EIF2AK1: variants seen among roughly 807,000 people sequenced by gnomAD.
The protein encoded by EIF2AK1 is eukaryotic translation initiation factor 2 alpha kinase 1.
EIF2AK1 carries 54 observed loss-of-function variants against 77.9 expected under a neutral mutation model. That is an observed-to-expected ratio of 0.69 (90% CI 0.56 to 0.87). The LOEUF (loss-of-function observed/expected upper bound fraction) is 0.87, where lower values mean the gene tolerates loss of function less well. Ranked by LOEUF, EIF2AK1 falls within the 40% of genes least tolerant of loss-of-function variation. The probability of loss-of-function intolerance (pLI) is 0.00; values close to 1 mark genes in which losing one functional copy is unlikely to be tolerated. For synonymous variants in EIF2AK1, 314 were observed against 290.5 expected (o/e 1.08, Z -0.82); for missense variants, 810 against 768.6 (o/e 1.05, Z -0.64).
chr7:6,038,488 C>T, intron 10 of EIF2AK1, 72 bp downstream of exon 10: 6 of 1,056,600 alleles, frequency 5.7e-6, no homozygotes, highest in Non-Finnish European at 8.2e-6. Context: ...CACCTGGAGG[C>T]AACTCCTACA....
Position 6,059,052 on chromosome 7 carries a change from C to T in EIF2AK1, c.32G>A (p.Arg11His), listed in dbSNP as rs373838189. Residue 11 changes from arginine (R) to histidine (H), a missense_variant, in exon 1 of 15, where the codon CGC (arginine) becomes CAC (histidine). By Grantham distance (29) the Arg-to-His change is conservative (BLOSUM62 0). Transcript: ENST00000199389. Reference sequence around the variant, plus strand: ...CCCAGCCCCGTCGCCCTCCTCTTCGCGCTTGCGGACCCCGGAGTTGCCCCC... The same window carrying T: ...CCCAGCCCCGTCGCCCTCCTCTTCGTGCTTGCGGACCCCGGAGTTGCCCCC... MQGGNSGVRK[R>H]EEEGDGAGAV... 4.2e-5 allele frequency: 63 copies of T among 1,495,210 alleles called. No individual in the cohort carries two copies. Among genetic ancestry groups the T allele is most frequent in the Admixed American group, 1.2e-4 (5 of 41,840 alleles). The allele number at this position is 1,495,210 out of a possible 1,614,324, so 92.6% of individuals were successfully genotyped here. A position where few individuals can be genotyped will look rare whatever the true frequency, so the allele number is the denominator to read the frequency against.
rs1359941025 is a variant in EIF2AK1, at chr7:6,027,291, T to C, written c.1531-330A>G. 6.6e-6 allele frequency among the ~76,000 whole-genome samples: 1 copy of C among 152,206 alleles called. No homozygotes were observed. Among genetic ancestry groups the C allele is most frequent in the Non-Finnish European group, 1.5e-5 (1 of 68,042 alleles). On this transcript the variant is annotated intron_variant, in intron 13 of 14. Transcript: ENST00000199389. This position sits in a 1 kb window ranked among gnomAD's most constrained non-coding sequence, Gnocchi z 4.5. ...AATGATGTGAGCTCACGCCTGCTAG[T>C]GTCAGCTGCGGGGGAGCCACAGAAG...
At chr7:6,056,614 A>AAAAAAAAAAAAAAAAAATATATG (rs1562761769) in intron 1 of EIF2AK1, among the ~76,000 whole-genome samples, 1 of 53,472 alleles carries the variant, frequency 1.9e-5, no homozygotes, top group African/African-American at 1.1e-4. Context: ...AAAAAAAAAA[A>AAAAAAAAAAAAAAAAAATATATG]TATATATATA....
At chr7:6,043,342 C>G (rs918765099) in intron 7 of EIF2AK1, among the ~76,000 whole-genome samples, 1 of 151,924 alleles carries the variant, frequency 6.6e-6, no homozygotes, top group Admixed American at 6.6e-5. Flanking sequence ...TTTGGGAGGC[C>G]GAGGCTCGAG....
At position 6,051,330 on chromosome 7, in the gene EIF2AK1, G is replaced by T. The variant is rs1788603220; in HGVS notation, c.278-1285C>A. Among the ~76,000 whole-genome samples the T allele has an allele frequency of 2.0e-5, 3 of 147,696 alleles. No individual in the cohort carries two copies. The South Asian group carries it at 6.4e-4, about 32-fold the overall frequency. Reference sequence around the variant, plus strand: ...TCTGTCGCCCAGGCTGGAGTGCAATGGCACGATCTCGGCTCACTGCAACCT... The same window carrying T: ...TCTGTCGCCCAGGCTGGAGTGCAATTGCACGATCTCGGCTCACTGCAACCT... On this transcript the variant is annotated intron_variant, in intron 2 of 14. Transcript: ENST00000199389.
chr7:6,058,919 G>A, intron 1 of EIF2AK1, 47 bp downstream of exon 1: 4 of 1,458,862 alleles, frequency 2.7e-6, no homozygotes, highest in Non-Finnish European at 3.7e-6. Flanking sequence ...CAGAAACGCA[G>A]GTGGACAGAG....
chr7:6,038,532 C>T (rs776849919), intron 10 of EIF2AK1, 28 bp downstream of exon 10: 22 of 1,579,346 alleles, frequency 1.4e-5, no homozygotes, highest in Non-Finnish European at 1.6e-5. Context: ...GTCTATTTCC[C>T]GGCCCGGCAG....
chr7:6,054,802 A>G, intron 1 of EIF2AK1, 98 bp from the exon 2 acceptor site: 1 of 1,241,028 alleles, frequency 8.1e-7, no homozygotes, highest in Non-Finnish European at 1.1e-6. Context: ...AAATATTTAA[A>G]TGTAAGCAGA....
Position 6,024,680 on chromosome 7 carries a change from A to G in EIF2AK1, c.1886T>C (p.Val629Ala), listed in dbSNP as rs1787686831. ...TAAAAGTTAAGTCCACTTTCATCCC[A>G]CGCCCCCATCCTTTCCGTCATCCCT... Reference protein sequence around the residue: ...GVRDDGKDGGVG With the variant: ...GVRDDGKDGGAG Residue 629 changes from valine to alanine, a missense_variant, in exon 15 of 15, where the codon GTG (valine) becomes GCG (alanine). By Grantham distance (64) the Val-to-Ala change is moderately conservative. Coordinates refer to ENST00000199389, the MANE Select transcript of EIF2AK1 (RefSeq NM_014413.4). 1 of 1,613,590 alleles carries G rather than the reference A, an allele frequency of 6.2e-7. No homozygotes were observed. The highest frequency in any genetic ancestry group is 1.3e-5 in the African/African-American group (1 of 74,824).
At chr7:6,043,846 CCCAGCACTCTGGGAGG>C (rs1788366875) in intron 7 of EIF2AK1, among the ~76,000 whole-genome samples, 1 of 152,016 alleles carries the variant, frequency 6.6e-6, no homozygotes, top group African/African-American at 2.4e-5. Context: ...TGCCTATAGT[CCCAGCACTCTGGGAGG>C]CCGAGGCAGG....
chr7:6,054,736 T>C, intron 1 of EIF2AK1, 32 bp from the exon 2 acceptor site: 6 of 1,581,256 alleles, frequency 3.8e-6, no homozygotes, highest in Non-Finnish European at 5.2e-6. Flanking sequence ...ATTTTTAAAT[T>C]AATGGTAAAC....
chr7:6,054,882 C>G (rs1326755894), intron 1 of EIF2AK1, among the ~76,000 whole-genome samples, 178 bp from the exon 2 acceptor site: 1 of 152,112 alleles, frequency 6.6e-6, no homozygotes, highest in East Asian at 1.9e-4. Flanking sequence ...GAATTTGGAG[C>G]TGAATCCTGG....
At position 6,036,008 on chromosome 7, in the gene EIF2AK1, C is replaced by T. The variant is rs1788074242; in HGVS notation, c.1332+1416G>A. 6.4e-7 allele frequency: 1 copy of T among 1,550,950 alleles called. No individual in the cohort carries two copies. Among genetic ancestry groups the T allele is most frequent in the African/African-American group, 1.4e-5 (1 of 73,006 alleles). ...CATGCTTTGGAGGCAGAGAGGCAAT[C>T]ATCAATCTCCTGCTTGAATTTGAAG... On this transcript the variant is annotated intron_variant, in intron 11 of 14. Coordinates refer to ENST00000199389, the MANE Select transcript of EIF2AK1 (RefSeq NM_014413.4). This position sits in a 1 kb window ranked among gnomAD's most constrained non-coding sequence, Gnocchi z 4.6.
chr7:6,055,330 G>A (rs1340224711), intron 1 of EIF2AK1, among the ~76,000 whole-genome samples: 2 of 81,086 alleles, frequency 2.5e-5, no homozygotes, highest in East Asian at 4.7e-4. Flanking sequence ...CAACAAGAGC[G>A]AAACTCCGTC....
chr7:6,024,816 T>TA lies in EIF2AK1; in HGVS notation c.1765-16dup. The TA allele has an allele frequency of 6.8e-7, 1 of 1,477,220 alleles. No homozygotes were observed. The allele number at this position is 1,477,220 out of a possible 1,614,324, so 91.5% of individuals were successfully genotyped here. A position where few individuals can be genotyped will look rare whatever the true frequency, so the allele number is the denominator to read the frequency against. ...GTGAGGTTAACCTGTAAGGAGAAAATATTTTAAACTCCATTAAAATAACTT... is the reference window on the plus strand; with the variant it reads ...GTGAGGTTAACCTGTAAGGAGAAAATAATTTTAAACTCCATTAAAATAACTT... On this transcript the variant is annotated splice_polypyrimidine_tract_variant and intron_variant, in intron 14 of 14. Coordinates refer to ENST00000199389, the MANE Select transcript of EIF2AK1 (RefSeq NM_014413.4).
intron 11 of EIF2AK1, 42 bp from the exon 12 acceptor site, chr7:6,029,074 A>G (rs1787828321): frequency 1.4e-6 from 2 of 1,432,412 alleles, no homozygotes; most frequent in South Asian, 2.4e-5. Flanking sequence ...GCTTTCTTAA[A>G]ACAAATAGTA....
chr7:6,055,960 G>A (rs1172447455), intron 1 of EIF2AK1, among the ~76,000 whole-genome samples: 1 of 107,456 alleles, frequency 9.3e-6, no homozygotes, highest in Non-Finnish European at 1.7e-5. Flanking sequence ...TCCAGCCTGG[G>A]CAACAAAGTG....
Position 6,035,295 on chromosome 7 carries a change from CT to C in EIF2AK1, c.1332+2128del. The C allele has an allele frequency of 1.3e-6, 1 of 797,600 alleles. No individual in the cohort carries two copies. The highest frequency in any genetic ancestry group is 1.9e-6 in the Non-Finnish European group (1 of 519,974). The allele number at this position is 797,600 out of a possible 1,614,324, so 49.4% of individuals were successfully genotyped here. ...AAAAACCCTGGGATAGCCTGAGAAACTACCCAGCGATACAGATTTTGAAACA... is the reference window on the plus strand; with the variant it reads ...AAAAACCCTGGGATAGCCTGAGAAACACCCAGCGATACAGATTTTGAAACA... On this transcript the variant is annotated intron_variant, in intron 11 of 14. Coordinates refer to ENST00000199389, the MANE Select transcript of EIF2AK1 (RefSeq NM_014413.4). The surrounding 1 kb of genome is among the most constrained non-coding windows in gnomAD (Gnocchi z 5.5).
chr7:6,052,091 G>A (rs1193106463), intron 2 of EIF2AK1, among the ~76,000 whole-genome samples: 1 of 147,318 alleles, frequency 6.8e-6, no homozygotes, highest in Non-Finnish European at 1.5e-5. Context: ...AGAATCGCTT[G>A]AACCCAGAAG....
Sources: allele counts gnomAD v4.1 joint callset (sites outside exome capture counted in the v4.1 genomes callset), GRCh38; gene constraint gnomAD v4.1.1; non-coding constraint Gnocchi (gnomAD v3.1); transcripts MANE v1.5; gene names NCBI Gene and HGNC (gene_info 2026-07-23, HGNC 2026-07-21).